Variants in TMPRSS12 observed in about 807,000 individuals in gnomAD.
TMPRSS12 encodes the protein transmembrane serine protease 12.
Under a neutral mutation model 26.0 loss-of-function variants are expected in TMPRSS12, and 25 were observed. The ratio of observed to expected loss-of-function variants is 0.96; its 90% confidence interval spans 0.70 to 1.34. TMPRSS12 has a LOEUF of 1.34. Ranked by LOEUF, TMPRSS12 falls within the 40% of genes most tolerant of loss-of-function variation. TMPRSS12 has a pLI of 0.00. For missense variants in TMPRSS12, 441 were observed against 440.1 expected (o/e 1.00, Z -0.02); for synonymous variants, 150 against 161.7 (o/e 0.93, Z 0.55).
chr12:50,857,246 A>G (rs1937886942), intron 2 of TMPRSS12, among the ~76,000 whole-genome samples: 1 of 152,178 alleles, frequency 6.6e-6, no homozygotes, highest in South Asian at 2.1e-4. Flanking sequence ...CACTTTGTAG[A>G]TATGCCAAAA....
intron 2 of TMPRSS12, chr12:50,847,969 G>C (rs1937789029): frequency 6.6e-6 from 1 of 151,894 alleles, no homozygotes; most frequent in Non-Finnish European, 1.5e-5. Flanking sequence ...TTAGGTCTGA[G>C]TTCTTTCACC....
At chr12:50,846,874 G>A (rs992565337) in intron 2 of TMPRSS12, among the ~76,000 whole-genome samples, 2 of 151,732 alleles carry the variant, frequency 1.3e-5, no homozygotes, top group African/African-American at 2.4e-5. Context: ...AACTGCATCC[G>A]GCCTGCAGTA....
chr12:50,872,321 G>A (rs1437272369), intron 3 of TMPRSS12, among the ~76,000 whole-genome samples: 1 of 150,608 alleles, frequency 6.6e-6, no homozygotes, highest in Non-Finnish European at 1.5e-5. Flanking sequence ...AGACCATCCT[G>A]GCTAACAAGG....
intron 3 of TMPRSS12, among the ~76,000 whole-genome samples, chr12:50,873,704 G>C (rs898278298): frequency 7.2e-5 from 11 of 152,096 alleles, no homozygotes; most frequent in African/African-American, 2.7e-4. Flanking sequence ...GTTAAAACTG[G>C]GCAAGCGGAT....
rs1407342041 is a variant in TMPRSS12 at position 50,872,651 on chromosome 12, T to TATATATGACGTATATGTAC, written c.653-12591_653-12590insATGACGTATATGTACATAT. Among the ~76,000 whole-genome samples, 8 of 109,096 alleles carry TATATATGACGTATATGTAC rather than the reference T, an allele frequency of 7.3e-5. 1 individual carries two copies. The highest frequency in any genetic ancestry group is 2.4e-4 in the African/African-American group (7 of 29,484). 71.6% of individuals were successfully genotyped at this position (109,096 alleles called of 152,430 possible). A position where few individuals can be genotyped will look rare whatever the true frequency, so the allele number is the denominator to read the frequency against. On this transcript the variant is annotated intron_variant, in intron 3 of 4. Transcript: ENST00000398458. ...TACATATATATGACGTATATGTACA[T>TATATATGACGTATATGTAC]ATATGACGTATATGTACATATATAT...
chr12:50,879,169 G>C (rs573713809), intron 3 of TMPRSS12, among the ~76,000 whole-genome samples: 1 of 152,126 alleles, frequency 6.6e-6, no homozygotes, highest in Admixed American at 6.6e-5. Flanking sequence ...ACTCAAAATG[G>C]ATCATAGACC....
chr12:50,848,852 A>G (rs536255105), intron 2 of TMPRSS12, among the ~76,000 whole-genome samples: 1 of 152,288 alleles, frequency 6.6e-6, no homozygotes, highest in South Asian at 2.1e-4. Context: ...TGAGTATATA[A>G]GCACCAATGG....
intron 2 of TMPRSS12, among the ~76,000 whole-genome samples, chr12:50,845,995 T>C (rs1334724268): frequency 6.6e-6 from 1 of 152,234 alleles, no homozygotes; most frequent in Non-Finnish European, 1.5e-5. Context: ...TTTGCTTTTT[T>C]GTTGTTGAGT....
At chr12:50,845,065 T>G (rs1937755295) in intron 2 of TMPRSS12, among the ~76,000 whole-genome samples, 1 of 152,208 alleles carries the variant, frequency 6.6e-6, no homozygotes. Flanking sequence ...CTTTATGGAC[T>G]GTATGAAAAC....
intron 4 of TMPRSS12, 65 bp from the exon 5 acceptor site, chr12:50,887,197 C>T: frequency 6.8e-7 from 1 of 1,463,298 alleles, no homozygotes; most frequent in South Asian, 1.3e-5. Context: ...ATAATTTATT[C>T]CAGTGTTACT....
At chr12:50,846,129 T>G (rs1251743695) in intron 2 of TMPRSS12, among the ~76,000 whole-genome samples, 20 of 152,256 alleles carry the variant, frequency 1.3e-4, no homozygotes, top group Admixed American at 1.3e-3. Context: ...CACAAAAGCT[T>G]TTAATTTTGA....
chr12:50,885,423 T>C (rs1249324397), intron 4 of TMPRSS12, 35 bp downstream of exon 4: 1 of 1,613,180 alleles, frequency 6.2e-7, no homozygotes, highest in Non-Finnish European at 8.5e-7. Flanking sequence ...AAATATTTTC[T>C]GAAGCCAGAA....
At chr12:50,857,064 G>T (rs916074313) in intron 2 of TMPRSS12, among the ~76,000 whole-genome samples, 1 of 152,056 alleles carries the variant, frequency 6.6e-6, no homozygotes, top group Admixed American at 6.6e-5. Context: ...ACACTTCCTA[G>T]AAATAATAGC....
intron 3 of TMPRSS12, among the ~76,000 whole-genome samples, chr12:50,867,260 T>G (rs942796564): frequency 1.3e-5 from 2 of 152,136 alleles, no homozygotes; most frequent in African/African-American, 4.8e-5. Context: ...GGGAGAAATA[T>G]TCAAGGAAAT....
chr12:50,857,921 C>T (rs1331430055), intron 2 of TMPRSS12, among the ~76,000 whole-genome samples: 1 of 151,998 alleles, frequency 6.6e-6, no homozygotes, highest in Non-Finnish European at 1.5e-5. Flanking sequence ...CCCCGCCTCC[C>T]GGGTTCATGC....
intron 3 of TMPRSS12, among the ~76,000 whole-genome samples, chr12:50,862,811 G>T (rs1232707285): frequency 6.6e-6 from 1 of 151,994 alleles, no homozygotes; most frequent in Admixed American, 6.6e-5. Context: ...ACAGGCGTGA[G>T]CCCCTGCACC....
chr12:50,881,307 G>A (rs796362555), intron 3 of TMPRSS12, among the ~76,000 whole-genome samples: 9 of 152,186 alleles, frequency 5.9e-5, no homozygotes, highest in African/African-American at 1.9e-4. Context: ...TAAGTGTGGG[G>A]CTGGAGCTGG....
intron 2 of TMPRSS12, among the ~76,000 whole-genome samples, chr12:50,856,669 G>A (rs967035384): frequency 6.6e-6 from 1 of 151,178 alleles, no homozygotes; most frequent in South Asian, 2.1e-4. Flanking sequence ...ACATTTTTGT[G>A]GTTTTTTTGT....
intron 3 of TMPRSS12, among the ~76,000 whole-genome samples, chr12:50,884,378 CAG>C (rs1938203287): frequency 6.6e-6 from 1 of 152,160 alleles, no homozygotes; most frequent in African/African-American, 2.4e-5. Context: ...TTGGAATTAA[CAG>C]AGTTTAGTAA....
Sources: gnomAD v4.1 joint callset for allele counts (sites outside exome capture counted in the v4.1 genomes callset) on GRCh38, gnomAD v4.1.1 for gene constraint, MANE v1.5 for transcripts, NCBI Gene and HGNC (gene_info 2026-07-23, HGNC 2026-07-21) for gene names.